KMT2E: variants seen among roughly 807,000 people sequenced by gnomAD.
The protein encoded by KMT2E is histone reader KMT2E.
A neutral mutation model predicts 184.6 loss-of-function variants in KMT2E; 30 were observed. The ratio of observed to expected loss-of-function variants is 0.16; its 90% confidence interval spans 0.12 to 0.22. The LOEUF is 0.22. Among genes scored for constraint, KMT2E ranks in the 10% least tolerant of loss-of-function variants. The pLI, the probability that KMT2E is intolerant of heterozygous loss-of-function variation, is 1.00. For synonymous variants in KMT2E, 815 were observed against 776.5 expected (o/e 1.05, Z -0.82); for missense variants, 2,023 against 2,237.4 (o/e 0.90, Z 1.93).
At chr7:105,030,402 G>C (rs893486727) in intron 1 of KMT2E, among the ~76,000 whole-genome samples, 6 of 152,172 alleles carry the variant, frequency 3.9e-5, no homozygotes, top group Non-Finnish European at 8.8e-5. Flanking sequence ...ATTTGAAGAG[G>C]AATGAGCAAG....
At position 105,017,834 on chromosome 7, in the gene KMT2E, C is replaced by G. The variant is rs138779624; in HGVS notation, c.-189+3299C>G. ...GTTGTCAGTGTAAATGAAAGGATCT[C>G]TCTGATTCCAGTTTAAGTGTAGAGC... is the stretch of plus-strand genomic sequence containing the variant. On this transcript the variant is annotated intron_variant, in intron 1 of 26. Transcript: ENST00000311117. Among the ~76,000 whole-genome samples, 79 of 152,298 alleles carry G rather than the reference C, an allele frequency of 5.2e-4. No individual in the cohort carries two copies. The East Asian group carries it at 0.01, about 20-fold the overall frequency.
In KMT2E at chr7:105,037,239, A is replaced by C. The variant is rs918380980; in HGVS notation, c.-188-887A>C. Among the ~76,000 whole-genome samples the C allele has an allele frequency of 2.6e-5, 4 of 152,316 alleles. No individual in the cohort carries two copies. In the South Asian group the frequency reaches 8.3e-4, roughly 32 times the overall value. ...AAATATAATAAATGGCTCTTTCCTC[A>C]AAGAGATTGTTATATTGGGCTCTTT... On this transcript the variant is annotated intron_variant, in intron 1 of 26. Transcript: ENST00000311117.
In KMT2E at chr7:105,114,456, G is replaced by T. The variant is rs1274381252; in HGVS notation, c.*1123G>T. 1 of 152,168 alleles carries T rather than the reference G, an allele frequency of 6.6e-6. No individual in the cohort carries two copies. The highest frequency in any genetic ancestry group is 2.4e-5 in the African/African-American group (1 of 41,428). The allele number at this position is 152,168 out of a possible 1,614,324, so 9.4% of individuals were successfully genotyped here. ...CTAAAGAAAAAAGGCATTATTCCTAGATCTCTCAGTGAAATGAAAATGGCC... is the reference window on the plus strand; with the variant it reads ...CTAAAGAAAAAAGGCATTATTCCTATATCTCTCAGTGAAATGAAAATGGCC... On this transcript the variant is annotated 3_prime_UTR_variant, in exon 27 of 27. Coordinates refer to ENST00000311117, the MANE Select transcript of KMT2E (RefSeq NM_182931.3).
At chr7:105,063,975 T>A in intron 5 of KMT2E, 1 of 452,774 alleles carries the variant, frequency 2.2e-6, no homozygotes, top group Non-Finnish European at 4.4e-6. Flanking sequence ...AACATTTTCA[T>A]TGATGTTTGT....
chr7:105,091,452 G>C, intron 15 of KMT2E, 138 bp downstream of exon 15: 2 of 667,918 alleles, frequency 3.0e-6, no homozygotes, highest in East Asian at 2.7e-5. Context: ...ATTTGGTTTG[G>C]TCATTGCCAT....
At chr7:105,109,450 T>C (rs1047933959) in intron 23 of KMT2E, among the ~76,000 whole-genome samples, 2 of 152,240 alleles carry the variant, frequency 1.3e-5, no homozygotes, top group African/African-American at 4.8e-5. Context: ...TACACACACA[T>C]ATCCTCTCCA....
chr7:105,097,777 G>C (rs1798474476), intron 15 of KMT2E, among the ~76,000 whole-genome samples: 2 of 152,118 alleles, frequency 1.3e-5, no homozygotes, highest in Non-Finnish European at 1.5e-5. Context: ...CAAAATTGTT[G>C]AAATGCTTCC....
At chr7:105,019,791 A>G (rs1039392272) in intron 1 of KMT2E, among the ~76,000 whole-genome samples, 1 of 152,162 alleles carries the variant, frequency 6.6e-6, no homozygotes, top group Non-Finnish European at 1.5e-5. Context: ...CCTTCAGAAG[A>G]CTAGGACATA....
At chr7:105,108,856 T>C in intron 22 of KMT2E, 86 bp from the exon 23 acceptor site, 2 of 1,131,224 alleles carry the variant, frequency 1.8e-6, no homozygotes, top group Middle Eastern at 2.2e-4. Flanking sequence ...AATATAGTAA[T>C]TCTCTTTAGA....
At chr7:105,097,910 G>C (rs907885218) in intron 15 of KMT2E, among the ~76,000 whole-genome samples, 1 of 152,130 alleles carries the variant, frequency 6.6e-6, no homozygotes, top group African/African-American at 2.4e-5. Flanking sequence ...AAGAAGGAAA[G>C]GTCACTGCTC....
At chr7:105,090,524 CTT>C (rs1276104857) in intron 14 of KMT2E, among the ~76,000 whole-genome samples, 5 of 152,168 alleles carry the variant, frequency 3.3e-5, no homozygotes, top group Non-Finnish European at 5.9e-5. Context: ...GACTAGATAA[CTT>C]TTAAAAATCT....
intron 1 of KMT2E, among the ~76,000 whole-genome samples, chr7:105,022,968 A>C (rs1795015149): frequency 1.3e-5 from 2 of 152,154 alleles, no homozygotes; most frequent in South Asian, 4.1e-4. Flanking sequence ...TATATGTATA[A>C]TATTCCTGTA....
chr7:105,099,140 G>A (rs1170841714), intron 15 of KMT2E, among the ~76,000 whole-genome samples: 4 of 152,130 alleles, frequency 2.6e-5, no homozygotes, highest in East Asian at 1.9e-4. Context: ...AATCAGGCAC[G>A]TTTATGTTCC....
intron 1 of KMT2E, among the ~76,000 whole-genome samples, chr7:105,031,218 C>T (rs573495116): frequency 1.1e-4 from 17 of 150,964 alleles, no homozygotes; most frequent in Admixed American, 2.6e-4. Context: ...ATTATCCAGG[C>T]GTGGTGGCAG....
intron 15 of KMT2E, among the ~76,000 whole-genome samples, chr7:105,097,963 C>T (rs1010414413): frequency 4.6e-5 from 7 of 151,996 alleles, no homozygotes; most frequent in African/African-American, 1.7e-4. Flanking sequence ...AAATAACAAA[C>T]GAGTATCAAA....
intron 7 of KMT2E, among the ~76,000 whole-genome samples, 181 bp downstream of exon 7, chr7:105,073,858 A>G (rs1052687028): frequency 3.3e-5 from 5 of 152,040 alleles, no homozygotes; most frequent in Non-Finnish European, 5.9e-5. Context: ...TTTTTCACGT[A>G]TTATAGAATA....
intron 1 of KMT2E, among the ~76,000 whole-genome samples, chr7:105,028,979 C>G (rs1289565250): frequency 6.6e-6 from 1 of 152,184 alleles, no homozygotes; most frequent in East Asian, 1.9e-4. Flanking sequence ...GAAAACTACT[C>G]TAAGGCCGGG....
Position 105,112,902 on chromosome 7 carries a change from C to T in KMT2E, c.5146C>T (p.Pro1716Ser). 1.2e-6 allele frequency: 2 copies of T among 1,612,540 alleles called. No individual in the cohort carries two copies. Among genetic ancestry groups the T allele is most frequent in the South Asian group, 1.1e-5 (1 of 90,944 alleles). ...QHQHVVNSAPPPPPPPPPSSV... is the reference protein window; with the variant it reads ...QHQHVVNSAPSPPPPPPPSSV... ...CCAGCATGTTGTAAATTCAGCACCC[C>T]CACCACCCCCTCCGCCGCCACCTTC... is the stretch of plus-strand genomic sequence containing the variant. Residue 1716 changes from proline to serine, a missense_variant, in exon 27 of 27, where the codon CCA becomes TCA. By Grantham distance (74) the Pro-to-Ser change is moderately conservative. Transcript: ENST00000311117.
intron 26 of KMT2E, among the ~76,000 whole-genome samples, 186 bp from the exon 27 acceptor site, chr7:105,111,639 C>T (rs778345490): frequency 2.0e-5 from 3 of 152,142 alleles, no homozygotes; most frequent in Non-Finnish European, 4.4e-5. Flanking sequence ...ACGCTCATAA[C>T]TTTTTGGAAC....
Sources: gnomAD v4.1 joint callset for allele counts (sites outside exome capture counted in the v4.1 genomes callset) on GRCh38, gnomAD v4.1.1 for gene constraint, MANE v1.5 for transcripts, NCBI Gene and HGNC (gene_info 2026-07-23, HGNC 2026-07-21) for gene names.